The following SRSF3 variants were observed in gnomAD, a reference collection of about 807,000 sequenced individuals.
SRSF3 encodes the protein serine/arginine-rich splicing factor 3.
For missense variants in SRSF3, 58 were observed against 217.1 expected (o/e 0.27, Z 4.61); for synonymous variants, 87 against 73.6 (o/e 1.18, Z -0.93).
At chr6:36,601,112 T>C (rs1178212593) in intron 3 of SRSF3, 40 bp from the exon 4 acceptor site, 1 of 1,484,192 alleles carries the variant, frequency 6.7e-7, no homozygotes. Flanking sequence ...CCATAAATAC[T>C]AATTGATGAT....
chr6:36,599,648 GA>G (rs1186927388), intron 3 of SRSF3: 1 of 440,252 alleles, frequency 2.3e-6, no homozygotes, highest in Non-Finnish European at 4.3e-6. Flanking sequence ...GTCCTTCTAG[GA>G]GACAGGAGTT....
In SRSF3 at chr6:36,603,783, C is replaced by G. The variant is rs1338527213; in HGVS notation, c.*1794C>G. On this transcript the variant is annotated 3_prime_UTR_variant, in exon 6 of 6. Transcript: ENST00000373715. ...CAAGATAGCTAAGAAGTTACGGAAG[C>G]CATGCAATATGTCAATTACATTGCT... The G allele has an allele frequency of 1.7e-5, 4 of 231,468 alleles. No individual in the cohort carries two copies. Among genetic ancestry groups the G allele is most frequent in the Non-Finnish European group, 3.4e-5 (4 of 117,054 alleles). The allele number at this position is 231,468 out of a possible 1,614,324, so 14.3% of individuals were successfully genotyped here.
At chr6:36,595,610 T>G (rs769589824) in intron 1 of SRSF3, among the ~76,000 whole-genome samples, 1 of 152,220 alleles carries the variant, frequency 6.6e-6, no homozygotes, top group Non-Finnish European at 1.5e-5. Flanking sequence ...ATGTCTGGCT[T>G]CTTTAACTTA....
rs1469620339 is a variant in SRSF3 at position 36,602,782 on chromosome 6, T to C, written c.*793T>C. ...AAAGTTTTGGTTACAAATTGTTCTTTAACTTGAAAGCCTGTTTTTCCTTGC... is the reference window on the plus strand; with the variant it reads ...AAAGTTTTGGTTACAAATTGTTCTTCAACTTGAAAGCCTGTTTTTCCTTGC... On this transcript the variant is annotated 3_prime_UTR_variant, in exon 6 of 6. Coordinates refer to ENST00000373715, the MANE Select transcript of SRSF3 (RefSeq NM_003017.5). 1 of 210,554 alleles carries C rather than the reference T, an allele frequency of 4.7e-6. No individual in the cohort carries two copies. The highest frequency in any genetic ancestry group is 9.7e-6 in the Non-Finnish European group (1 of 103,522). The allele number at this position is 210,554 out of a possible 1,614,324, so 13.0% of individuals were successfully genotyped here.
chr6:36,596,903 CT>C lies in SRSF3; in HGVS notation c.144del (p.Phe48LeufsTer19). The C allele has an allele frequency of 6.2e-7, 1 of 1,613,924 alleles. No individual in the cohort carries two copies. ...TGTGGGTTGCTAGAAACCCACCCGG[CT>C]TTGCTTTTGTTGAATTTGAAGATCC... ...SVWVARNPPG[F>X]AFVEFEDPRD... On this transcript the variant is annotated frameshift_variant, in exon 2 of 6. Coordinates refer to ENST00000373715, the MANE Select transcript of SRSF3 (RefSeq NM_003017.5). LOFTEE classifies it high-confidence loss of function.
At chr6:36,597,197 C>G (rs550395005) in intron 2 of SRSF3, 1 of 548,504 alleles carries the variant, frequency 1.8e-6, no homozygotes, top group South Asian at 2.2e-5. Flanking sequence ...CCTCGGCCTC[C>G]GGGGTTCAAG....
At position 36,598,976 on chromosome 6, in the gene SRSF3, C is replaced by G; in HGVS notation, c.334C>G (p.Arg112Gly). 6.2e-7 allele frequency: 1 copy of G among 1,614,040 alleles called. No individual in the cohort carries two copies. Among genetic ancestry groups the G allele is most frequent in the South Asian group, 1.1e-5 (1 of 91,062 alleles). Reference protein sequence around the residue: ...DDYRRRSPPPRRRSPRRRSFS... With the variant: ...DDYRRRSPPPGRRSPRRRSFS... ...TTATCGTAGGAGGAGTCCTCCACCT[C>G]GTCGCAGGTACTTGAGAGAAAGCTT... The change falls in exon 3 of 6, where the codon CGT (arginine) becomes GGT (glycine). Residue 112 changes from arginine to glycine, a missense_variant. By Grantham distance (125) the Arg-to-Gly change is moderately radical. Coordinates refer to ENST00000373715, the MANE Select transcript of SRSF3 (RefSeq NM_003017.5).
intron 1 of SRSF3, among the ~76,000 whole-genome samples, chr6:36,595,186 A>G (rs1778605860): frequency 6.6e-6 from 1 of 152,180 alleles, no homozygotes; most frequent in Non-Finnish European, 1.5e-5. Context: ...CTTCAGCTGA[A>G]TTATTGAGTA....
chr6:36,601,118 A>G (rs1778709171), intron 3 of SRSF3, 34 bp from the exon 4 acceptor site: 1 of 1,596,270 alleles, frequency 6.3e-7, no homozygotes, highest in Non-Finnish European at 8.5e-7. Context: ...ATACTAATTG[A>G]TGATGAGCCT....
rs1778753287 is a variant in SRSF3, at chr6:36,603,468, A to G, written c.*1479A>G. ...GTTTCCTTAAATATGCTCTTAAGAT[A>G]GTTTTGGATTATGCGGTATTGACTG... On this transcript the variant is annotated 3_prime_UTR_variant, in exon 6 of 6. Transcript: ENST00000373715. 4.5e-6 allele frequency: 1 copy of G among 223,674 alleles called. No individual in the cohort carries two copies. Among genetic ancestry groups the G allele is most frequent in the Non-Finnish European group, 8.9e-6 (1 of 111,960 alleles). 13.9% of individuals were successfully genotyped at this position (223,674 alleles called of 1,614,324 possible). A position where few individuals can be genotyped will look rare whatever the true frequency, so the allele number is the denominator to read the frequency against.
chr6:36,598,103 G>A (rs1219055212), intron 2 of SRSF3, among the ~76,000 whole-genome samples: 1 of 152,144 alleles, frequency 6.6e-6, no homozygotes, highest in Non-Finnish European at 1.5e-5. Context: ...GTGGGGCAGG[G>A]GGAGACCAAT....
intron 1 of SRSF3, among the ~76,000 whole-genome samples, chr6:36,595,561 T>C (rs1227880203): frequency 1.3e-5 from 2 of 152,204 alleles, no homozygotes; most frequent in African/African-American, 4.8e-5. Flanking sequence ...TGAACTTAGC[T>C]ATTTTAGATA....
At chr6:36,601,307 G>C in intron 4 of SRSF3, 117 bp downstream of exon 4, 1 of 979,756 alleles carries the variant, frequency 1.0e-6, no homozygotes, top group South Asian at 1.5e-5. Context: ...AGTGAATCAA[G>C]TTGTAAGGAT....
intron 4 of SRSF3, 34 bp from the exon 5 acceptor site, chr6:36,601,674 C>T (rs1402477830): frequency 3.3e-6 from 5 of 1,524,562 alleles, no homozygotes; most frequent in Non-Finnish European, 1.8e-6. Flanking sequence ...TTTTATCATA[C>T]CTCATTGGTC....
At chr6:36,601,660 A>T (rs370101618) in intron 4 of SRSF3, 48 bp from the exon 5 acceptor site, 3 of 1,490,098 alleles carry the variant, frequency 2.0e-6, no homozygotes, top group Non-Finnish European at 2.8e-6. Context: ...ATATTTATGT[A>T]TAATTTTATC....
At chr6:36,598,606 A>G in intron 2 of SRSF3, 1 of 419,820 alleles carries the variant, frequency 2.4e-6, no homozygotes, top group Non-Finnish European at 4.3e-6. Flanking sequence ...ATAGTGTCGA[A>G]CTCTTGACCT....
chr6:36,600,631 C>G (rs1391684402), intron 3 of SRSF3: 1 of 152,904 alleles, frequency 6.5e-6, no homozygotes, highest in Non-Finnish European at 1.5e-5. Context: ...TTTTGGTAAG[C>G]CTAAACACAC....
rs2127507574 is a variant in SRSF3, at chr6:36,604,257, T to TA, written c.*2269dup. On this transcript the variant is annotated 3_prime_UTR_variant, in exon 6 of 6. Coordinates refer to ENST00000373715, the MANE Select transcript of SRSF3 (RefSeq NM_003017.5). ...CAAGGTGTTCACTAGAAGTCACTGT[T>TA]ACTAATACTTGATGACAATGTAAAG... The TA allele has an allele frequency of 4.6e-6, 1 of 216,362 alleles. No homozygotes were observed. Among genetic ancestry groups the TA allele is most frequent in the Admixed American group, 5.8e-5 (1 of 17,210 alleles). The allele number at this position is 216,362 out of a possible 1,614,324, so 13.4% of individuals were successfully genotyped here. A position where few individuals can be genotyped will look rare whatever the true frequency, so the allele number is the denominator to read the frequency against.
intron 3 of SRSF3, chr6:36,599,824 C>G: frequency 7.4e-7 from 1 of 1,352,034 alleles, no homozygotes; most frequent in Non-Finnish European, 9.8e-7. Flanking sequence ...GTTACAGAGT[C>G]ACCATCATGT....
Sources: allele counts gnomAD v4.1 joint callset (sites outside exome capture counted in the v4.1 genomes callset), GRCh38; gene constraint gnomAD v4.1.1; transcripts MANE v1.5; gene names NCBI Gene and HGNC (gene_info 2026-07-23, HGNC 2026-07-21).